The following SLC2A9 variants were observed in gnomAD, a reference collection of about 807,000 sequenced individuals.
SLC2A9 encodes solute carrier family 2, facilitated glucose transporter member 9.
A neutral mutation model predicts 50.6 loss-of-function variants in SLC2A9; 39 were observed. That is an observed-to-expected ratio of 0.77 (90% CI 0.60 to 1.01). The LOEUF is 1.01. Among genes scored for constraint, SLC2A9 ranks in the 50% least tolerant of loss-of-function variants. The probability of loss-of-function intolerance (pLI) is 0.00; values close to 1 mark genes in which losing one functional copy is unlikely to be tolerated. For missense variants in SLC2A9, 686 were observed against 677.6 expected (o/e 1.01, Z -0.14); for synonymous variants, 324 against 276.9 (o/e 1.17, Z -1.69).
intron 10 of SLC2A9, among the ~76,000 whole-genome samples, chr4:9,870,834 G>C (rs1018349337): frequency 6.6e-5 from 10 of 152,344 alleles, no homozygotes; most frequent in African/African-American, 2.4e-4. Flanking sequence ...CTCATGGGGA[G>C]AGGAGGGTCT....
At chr4:9,778,598 G>C (rs986545737), downstream of SLC2A9, among the ~76,000 whole-genome samples, 2 of 152,086 alleles carry the variant, frequency 1.3e-5, no homozygotes, top group East Asian at 1.9e-4. Flanking sequence ...CTCTTTATTG[G>C]GAAGACAAGC....
chr4:9,886,007 A>T (rs1736130752), intron 10 of SLC2A9, among the ~76,000 whole-genome samples: 1 of 152,234 alleles, frequency 6.6e-6, no homozygotes, highest in African/African-American at 2.4e-5. Context: ...GAACAATGCT[A>T]TGATGGGTGA....
At chr4:9,792,159 G>GTTTTTTTTTT (rs1228816556) in intron 3 of SLC2A9, among the ~76,000 whole-genome samples, 1 of 94,602 alleles carries the variant, frequency 1.1e-5, no homozygotes, top group African/African-American at 3.5e-5. Context: ...TCTATTCTAT[G>GTTTTTTTTTT]TTTCTTTTTT....
chr4:10,038,506 CAAAAA>C (rs35698968), intron 1 of SLC2A9, among the ~76,000 whole-genome samples: 1,768 of 49,292 alleles, frequency 0.036, 14 homozygotes, highest in Middle Eastern at 0.057. Flanking sequence ...GACTCTGTCT[CAAAAA>C]AAAAAAAAAA....
chr4:9,799,933 T>C (rs920589039), intron 3 of SLC2A9, among the ~76,000 whole-genome samples: 1 of 152,150 alleles, frequency 6.6e-6, no homozygotes, highest in African/African-American at 2.4e-5. Flanking sequence ...GTTGTAGGAA[T>C]AACTTCAAGG....
intron 6 of SLC2A9, among the ~76,000 whole-genome samples, chr4:9,933,957 C>T (rs946304904): frequency 2.0e-5 from 3 of 152,174 alleles, no homozygotes; most frequent in Admixed American, 2.0e-4. Flanking sequence ...TATAAGAACC[C>T]TTGTGATTGC....
intron 10 of SLC2A9, among the ~76,000 whole-genome samples, chr4:9,876,486 G>T (rs1734341378): frequency 6.6e-6 from 1 of 152,202 alleles, no homozygotes; most frequent in Non-Finnish European, 1.5e-5. Context: ...AGCTACTCAG[G>T]AGGCTGAGGT....
chr4:9,996,898 C>T lies in SLC2A9; in HGVS notation c.293G>A (p.Gly98Glu), dbSNP rs1758780583. ...CAGAGTGTCTGGGTCTATTGGACGT[C>T]CATGCCTTCTTTCCCATGACTCATT... The part of the protein sequence containing the change: ...FYNESWERRH[G>E]RPIDPDTLTL... The change falls in exon 3 of 12, where the codon GGA becomes GAA. Residue 98 changes from glycine (G) to glutamate (E), a missense_variant. Physicochemically the swap from Gly to Glu is moderately conservative, Grantham distance 98. Coordinates refer to ENST00000264784, the MANE Select transcript of SLC2A9 (RefSeq NM_020041.3). 1 of 1,614,024 alleles carries T rather than the reference C, an allele frequency of 6.2e-7. No homozygotes were observed. Among genetic ancestry groups the T allele is most frequent in the African/African-American group, 1.3e-5 (1 of 74,932 alleles).
intron 3 of SLC2A9, among the ~76,000 whole-genome samples, chr4:9,785,107 T>G (rs531369769): frequency 9.2e-5 from 14 of 152,168 alleles, no homozygotes; most frequent in Non-Finnish European, 1.6e-4. Flanking sequence ...AAGCGAACCA[T>G]TAGGCAACAT....
At chr4:9,795,167 C>T (rs1379569581), downstream of SLC2A9, among the ~76,000 whole-genome samples, 2 of 152,004 alleles carry the variant, frequency 1.3e-5, no homozygotes, top group African/African-American at 4.8e-5. Flanking sequence ...CACGCCCCCA[C>T]ACTCAGCTAG....
chr4:9,887,017 C>T (rs1469398107), intron 10 of SLC2A9, among the ~76,000 whole-genome samples: 3 of 152,360 alleles, frequency 2.0e-5, no homozygotes, highest in South Asian at 2.1e-4. Context: ...CACACAGCTA[C>T]CATGTAAGCT....
chr4:9,832,601 C>T (rs182267341), intron 11 of SLC2A9, among the ~76,000 whole-genome samples: 5 of 152,166 alleles, frequency 3.3e-5, no homozygotes, highest in East Asian at 3.9e-4. Flanking sequence ...GGATTTGTTT[C>T]GAAAATGCCC....
intron 8 of SLC2A9, among the ~76,000 whole-genome samples, chr4:9,901,148 C>A (rs1739541871): frequency 1.3e-5 from 2 of 152,152 alleles, no homozygotes; most frequent in African/African-American, 4.8e-5. Context: ...GCTCAGGCCC[C>A]CAGGGGTTTG....
At chr4:9,908,881 G>T (rs1045835208) in intron 7 of SLC2A9, among the ~76,000 whole-genome samples, 4 of 152,150 alleles carry the variant, frequency 2.6e-5, no homozygotes, top group Non-Finnish European at 5.9e-5. Context: ...TTTCATCAAG[G>T]AGGTCTGCTT....
At chr4:9,850,465 G>A (rs997357346) in intron 10 of SLC2A9, among the ~76,000 whole-genome samples, 1 of 152,136 alleles carries the variant, frequency 6.6e-6, no homozygotes, top group African/African-American at 2.4e-5. Flanking sequence ...GATGAGGCCG[G>A]TACATTCTGA....
downstream of SLC2A9, among the ~76,000 whole-genome samples, chr4:9,775,211 A>C (rs1176627936): frequency 6.6e-6 from 1 of 152,140 alleles, no homozygotes; most frequent in Admixed American, 6.5e-5. Context: ...GAAAACCTCC[A>C]TGTGACCTCT....
intron 10 of SLC2A9, among the ~76,000 whole-genome samples, chr4:9,883,737 T>C (rs1318279191): frequency 6.6e-6 from 1 of 152,208 alleles, no homozygotes; most frequent in African/African-American, 2.4e-5. Flanking sequence ...AGTCCACATC[T>C]TACAGCTTAG....
chr4:9,864,039 A>G (rs1180891088), intron 10 of SLC2A9, among the ~76,000 whole-genome samples: 1 of 151,820 alleles, frequency 6.6e-6, no homozygotes, highest in Non-Finnish European at 1.5e-5. Context: ...GTTGCCATAC[A>G]GAGATCTACC....
intron 7 of SLC2A9, among the ~76,000 whole-genome samples, chr4:9,919,650 A>G (rs1743539630): frequency 6.6e-6 from 1 of 152,148 alleles, no homozygotes; most frequent in Non-Finnish European, 1.5e-5. Flanking sequence ...GTGACCTCAG[A>G]GGCAGTTTGG....
Sources: allele counts gnomAD v4.1 joint callset (sites outside exome capture counted in the v4.1 genomes callset), GRCh38; gene constraint gnomAD v4.1.1; transcripts MANE v1.5; gene names NCBI Gene and HGNC (gene_info 2026-07-23, HGNC 2026-07-21).